SPAG16: variants seen among roughly 807,000 people sequenced by gnomAD.
SPAG16 encodes the protein sperm-associated antigen 16 protein.
Under a neutral mutation model 80.4 loss-of-function variants are expected in SPAG16, and 86 were observed. The observed-to-expected ratio is 1.07, with a 90% confidence interval of 0.90 to 1.28. The LOEUF (loss-of-function observed/expected upper bound fraction) is 1.28. Ranked by LOEUF, SPAG16 falls within the 50% of genes most tolerant of loss-of-function variation. SPAG16 has a pLI of 0.00. For missense variants in SPAG16, 870 were observed against 765.3 expected (o/e 1.14, Z -1.61); for synonymous variants, 294 against 265.9 (o/e 1.11, Z -1.03).
At chr2:213,927,009 C>G (rs575638461) in intron 11 of SPAG16, among the ~76,000 whole-genome samples, 58 of 152,320 alleles carry the variant, frequency 3.8e-4, no homozygotes, top group Non-Finnish European at 7.6e-4. Context: ...CTCCTGGAGC[C>G]TAGAAGTCTA....
At chr2:214,406,346 C>T (rs991418020) in intron 15 of SPAG16, among the ~76,000 whole-genome samples, 2 of 152,080 alleles carry the variant, frequency 1.3e-5, no homozygotes, top group Non-Finnish European at 2.9e-5. Flanking sequence ...GTCAATATTA[C>T]ACATTTTATT....
rs548499602 is a variant in SPAG16, at chr2:214,223,091, A to G, written c.1720+73825A>G. 2.3e-3 allele frequency among the ~76,000 whole-genome samples: 354 copies of G among 152,280 alleles called. 1 individual carries two copies. Among genetic ancestry groups the G allele is most frequent in the Non-Finnish European group, 4.1e-3 (276 of 68,008 alleles). The stretch of plus-strand genomic sequence containing the variant: ...TATTGCAGAAATCCCTGATAATCAC[A>G]AACACCTGCATTTTAAAAGATTTCC... On this transcript the variant is annotated intron_variant, in intron 15 of 15. Coordinates refer to ENST00000331683, the MANE Select transcript of SPAG16 (RefSeq NM_024532.5).
intron 12 of SPAG16, among the ~76,000 whole-genome samples, chr2:213,981,101 T>G (rs1406650136): frequency 6.6e-6 from 1 of 152,084 alleles, no homozygotes; most frequent in East Asian, 1.9e-4. Context: ...TGTTGATAGC[T>G]CTGTTCCTGT....
In SPAG16 at chr2:214,317,614, A is replaced by G. The variant is rs13416173; in HGVS notation, c.1721-92526A>G. Among the ~76,000 whole-genome samples, 1,181 of 152,376 alleles carry G rather than the reference A, an allele frequency of 7.8e-3. 13 individuals are homozygous for G. The highest frequency in any genetic ancestry group is 0.027 in the African/African-American group (1,140 of 41,594). On this transcript the variant is annotated intron_variant, in intron 15 of 15. Transcript: ENST00000331683. ...TTATTAGTTCACAAAACAATAGGCCAGAGGTGGTGAAAGTCCAGAGTTAGT... is the reference window on the plus strand; with the variant it reads ...TTATTAGTTCACAAAACAATAGGCCGGAGGTGGTGAAAGTCCAGAGTTAGT...
intron 9 of SPAG16, among the ~76,000 whole-genome samples, chr2:213,407,619 G>C (rs1190246301): frequency 3.0e-5 from 4 of 132,104 alleles, no homozygotes; most frequent in Non-Finnish European, 5.3e-5. Context: ...GAGAGAGAGA[G>C]AGAGAGAGAG....
chr2:214,010,062 G>C (rs1300535900), intron 12 of SPAG16, among the ~76,000 whole-genome samples: 1 of 119,130 alleles, frequency 8.4e-6, no homozygotes, highest in South Asian at 2.5e-4. Context: ...TTACTGAAAT[G>C]CTATATTTTA....
intron 14 of SPAG16, among the ~76,000 whole-genome samples, chr2:214,117,191 G>A (rs2053973597): frequency 6.6e-6 from 1 of 152,038 alleles, no homozygotes; most frequent in South Asian, 2.1e-4. Flanking sequence ...CAGAAATCCT[G>A]GAGCTGAAAA....
chr2:214,089,234 G>T (rs1413779223), intron 13 of SPAG16, among the ~76,000 whole-genome samples: 1 of 152,034 alleles, frequency 6.6e-6, no homozygotes, highest in Non-Finnish European at 1.5e-5. Flanking sequence ...ATTGAATGGA[G>T]AGGTTGTTGG....
intron 13 of SPAG16, among the ~76,000 whole-genome samples, chr2:214,020,221 C>T (rs529051816): frequency 6.6e-6 from 1 of 152,136 alleles, no homozygotes; most frequent in African/African-American, 2.4e-5. Context: ...TCTTCCATGC[C>T]CTTGGCCATT....
At chr2:213,390,172 C>CT (rs1304428027) in intron 9 of SPAG16, among the ~76,000 whole-genome samples, 1 of 152,036 alleles carries the variant, frequency 6.6e-6, no homozygotes, top group Non-Finnish European at 1.5e-5. Flanking sequence ...ATATGAGGTA[C>CT]TTTGAGTGGT....
chr2:213,376,926 A>G (rs886556517), intron 9 of SPAG16, among the ~76,000 whole-genome samples: 12 of 152,166 alleles, frequency 7.9e-5, no homozygotes, highest in Non-Finnish European at 1.6e-4. Context: ...TTTCTCTTTT[A>G]TAAACAGTCG....
At chr2:214,023,432 A>C (rs2047983588) in intron 13 of SPAG16, among the ~76,000 whole-genome samples, 1 of 151,694 alleles carries the variant, frequency 6.6e-6, no homozygotes, top group South Asian at 2.1e-4. Context: ...AAAATACTTT[A>C]TGTGTTTTCT....
intron 14 of SPAG16, 65 bp from the exon 15 acceptor site, chr2:214,149,075 G>GTATA (rs368500543): frequency 4.8e-4 from 144 of 301,024 alleles, no homozygotes; most frequent in East Asian, 7.4e-4. Flanking sequence ...GTGTGTGTGT[G>GTATA]TGTATATATA....
At chr2:213,330,221 T>C (rs1052690699) in intron 5 of SPAG16, among the ~76,000 whole-genome samples, 5 of 151,310 alleles carry the variant, frequency 3.3e-5, no homozygotes, top group Admixed American at 6.6e-5. Flanking sequence ...CTATCCGTTA[T>C]ACCCCAGAAT....
intron 5 of SPAG16, among the ~76,000 whole-genome samples, chr2:213,322,334 CAAAAAAAAAAA>C (rs755345457): frequency 8.4e-5 from 2 of 23,684 alleles, no homozygotes; most frequent in African/African-American, 2.9e-4. Flanking sequence ...GTAGACAATG[CAAAAAAAAAAA>C]AAAAAAAAAA....
chr2:213,658,912 T>C (rs974808211), intron 10 of SPAG16, among the ~76,000 whole-genome samples: 2 of 152,130 alleles, frequency 1.3e-5, no homozygotes, highest in African/African-American at 4.8e-5. Context: ...GGCTTGTGCC[T>C]GTATTCCCAG....
Position 214,336,475 on chromosome 2 carries a change from G to A in SPAG16, c.1721-73665G>A, listed in dbSNP as rs145082080. ...GTCAGGCCCTAGTGTATACCTTTTTGGAGATTAGAAAAATAGGTTGAAGAA... is the reference window on the plus strand; with the variant it reads ...GTCAGGCCCTAGTGTATACCTTTTTAGAGATTAGAAAAATAGGTTGAAGAA... On this transcript the variant is annotated intron_variant, in intron 15 of 15. Transcript: ENST00000331683. Among the ~76,000 whole-genome samples, 107 of 152,194 alleles carry A rather than the reference G, an allele frequency of 7.0e-4. 1 individual carries two copies. The highest frequency in any genetic ancestry group is 1.3e-3 in the Non-Finnish European group (86 of 68,002).
intron 2 of SPAG16, 48 bp from the exon 3 acceptor site, chr2:213,297,214 T>C: frequency 6.6e-7 from 1 of 1,518,790 alleles, no homozygotes; most frequent in Non-Finnish European, 9.0e-7. Context: ...ATAAAGTATT[T>C]TATATTTCTG....
intron 13 of SPAG16, among the ~76,000 whole-genome samples, chr2:214,049,906 AAG>A (rs1489214890): frequency 2.6e-4 from 39 of 152,238 alleles, no homozygotes; most frequent in Admixed American, 2.0e-4. Flanking sequence ...AAAAATAAAA[AAG>A]AGATATAACA....
Sources: allele counts gnomAD v4.1 joint callset (sites outside exome capture counted in the v4.1 genomes callset), GRCh38; gene constraint gnomAD v4.1.1; transcripts MANE v1.5; gene names NCBI Gene and HGNC (gene_info 2026-07-23, HGNC 2026-07-21).